The following SH3BP2 variants were observed in gnomAD, a reference collection of about 807,000 sequenced individuals.
SH3BP2 encodes the protein SH3 domain-binding protein 2.
In SH3BP2, 38 loss-of-function variants were observed where a neutral mutation model predicts 56.2. The ratio of observed to expected loss-of-function variants is 0.68; its 90% CI spans 0.52 to 0.89. The LOEUF is 0.89. Ranked by LOEUF, SH3BP2 falls within the 40% of genes least tolerant of loss-of-function variation. The probability of loss-of-function intolerance (pLI) is 0.00; values close to 1 mark genes in which losing one functional copy is unlikely to be tolerated. For missense variants in SH3BP2, 748 were observed against 762.6 expected (o/e 0.98, Z 0.23); for synonymous variants, 346 against 316.7 (o/e 1.09, Z -0.98).
In SH3BP2 at chr4:2,822,960, C is replaced by T. The variant is rs1251477477; in HGVS notation, c.162C>T (p.His54=). The T allele has an allele frequency of 6.2e-7, 1 of 1,614,112 alleles. No homozygotes were observed. Reference sequence around the variant, plus strand: ...GGCCCCTGCGCTTTGTCATCATCCACAAACGCTGCGTCTACTACTTCAAGA... The same window carrying T: ...GGCCCCTGCGCTTTGTCATCATCCATAAACGCTGCGTCTACTACTTCAAGA... ...LKWPLRFVII[H]KRCVYYFKSS... The change falls in exon 3 of 13, where the codon CAC becomes CAT. Residue 54 remains histidine, a synonymous_variant. Transcript: ENST00000503393.
intron 1 of SH3BP2, among the ~76,000 whole-genome samples, chr4:2,796,192 G>A (rs1343976360): frequency 1.3e-5 from 2 of 152,188 alleles, no homozygotes; most frequent in Non-Finnish European, 2.9e-5. Flanking sequence ...TCTGGACCAC[G>A]CTGCTGGATT....
At position 2,824,644 on chromosome 4, in the gene SH3BP2, A is replaced by G; in HGVS notation, c.271A>G (p.Asn91Asp). 6.2e-7 allele frequency: 1 copy of G among 1,613,980 alleles called. No homozygotes were observed. Among genetic ancestry groups the G allele is most frequent in the Non-Finnish European group, 8.5e-7 (1 of 1,179,972 alleles). The change falls in exon 4 of 13, where the codon AAC (asparagine) becomes GAC (aspartate). Residue 91 changes from asparagine to aspartate, a missense_variant. Around this residue, in one of 3 missense-constraint regions of SH3BP2, gnomAD observed 104 missense variants for 123.1 expected, o/e 0.84. Transcript: ENST00000503393. ...VMRAAEETTS[N>D]NVFPFKIIHI... is the part of the protein sequence containing the mutation. ...GCGGGCGGCTGAGGAGACCACGTCC[A>G]ACAACGTTTTCCCCTTCAAGATCAT... is the stretch of plus-strand genomic sequence containing the variant.
At chr4:2,823,101 C>T (rs575859336) in intron 3 of SH3BP2, 64 bp downstream of exon 3, 4 of 1,193,980 alleles carry the variant, frequency 3.4e-6, no homozygotes, top group South Asian at 1.2e-5. Flanking sequence ...CCCAGCAGAG[C>T]CCCAGCTGGG....
chr4:2,809,743 G>A (rs916584860), intron 1 of SH3BP2: 22 of 979,838 alleles, frequency 2.2e-5, no homozygotes, highest in Non-Finnish European at 2.5e-5. Context: ...AAGGCTCCCA[G>A]AACCCAGTGA....
At chr4:2,818,821 G>T in intron 1 of SH3BP2, 5 of 986,588 alleles carry the variant, frequency 5.1e-6, no homozygotes, top group Non-Finnish European at 6.0e-6. Flanking sequence ...GTCCAGCCGG[G>T]TGACCCAGGC....
rs2108742039 is a variant in SH3BP2, at chr4:2,832,361, G to C, written c.1437G>C (p.Glu479Asp). 1 of 1,614,126 alleles carries C rather than the reference G, an allele frequency of 6.2e-7. No homozygotes were observed. The highest frequency in any genetic ancestry group is 8.5e-7 in the Non-Finnish European group (1 of 1,179,982). ...TCAAGGCTACAAGCCCCCGGGGAGA[G>C]CCCCAGGATGGACTCTACTGCATCC... The part of the protein sequence containing the change: ...RLFKATSPRG[E>D]PQDGLYCIRN... Residue 479 changes from glutamate to aspartate, a missense_variant, in exon 11 of 13, where the codon GAG becomes GAC. Coordinates refer to ENST00000503393, the MANE Select transcript of SH3BP2 (RefSeq NM_001122681.2).
At chr4:2,811,999 A>T in intron 1 of SH3BP2, 1 of 342,322 alleles carries the variant, frequency 2.9e-6, no homozygotes, top group Non-Finnish European at 5.4e-6. Context: ...GGAGAAGCCG[A>T]GTATTCAGAG....
chr4:2,805,102 C>T (rs778451643), intron 1 of SH3BP2, among the ~76,000 whole-genome samples: 2 of 152,196 alleles, frequency 1.3e-5, no homozygotes, highest in Non-Finnish European at 2.9e-5. Flanking sequence ...GTGGCCCAGG[C>T]GTCCCACGCA....
intron 11 of SH3BP2, among the ~76,000 whole-genome samples, 166 bp downstream of exon 11, chr4:2,832,578 T>G (rs768191429): frequency 1.3e-5 from 2 of 148,198 alleles, no homozygotes; most frequent in African/African-American, 2.7e-5. Flanking sequence ...TATTCCCTAA[T>G]AGATCTCCAT....
rs1393991250 is a variant in SH3BP2, at chr4:2,833,956, C to A, written c.*122C>A. ...GCAAGGCTGTGCTTGCCTAGGGCCT[C>A]TGTGATGGACATCTCGTAGGACCCA... On this transcript the variant is annotated 3_prime_UTR_variant, in exon 13 of 13. Transcript: ENST00000503393. 5.2e-5 allele frequency: 62 copies of A among 1,181,740 alleles called. No individual in the cohort carries two copies. The highest frequency in any genetic ancestry group is 6.8e-5 in the Non-Finnish European group (58 of 857,516). The allele number at this position is 1,181,740 out of a possible 1,614,324, so 73.2% of individuals were successfully genotyped here.
chr4:2,818,527 C>A, intron 1 of SH3BP2: 1 of 528,874 alleles, frequency 1.9e-6, no homozygotes, highest in Non-Finnish European at 2.6e-6. Context: ...CTTGGGGGAA[C>A]AAAGGCGGGC....
rs1034015490 is a variant in SH3BP2, at chr4:2,839,126, A to C, written c.*5292A>C. The C allele has an allele frequency of 1.3e-5, 2 of 149,972 alleles. No individual in the cohort carries two copies. The highest frequency in any genetic ancestry group is 2.4e-5 in the African/African-American group (1 of 40,844). 9.3% of individuals were successfully genotyped at this position (149,972 alleles called of 1,614,324 possible). The stretch of plus-strand genomic sequence containing the variant: ...TGATTTTGTCTCCTGTGAAGTGTCT[A>C]TCATCTTTTGCCCATTTTTTAACTT... On this transcript the variant is annotated 3_prime_UTR_variant, in exon 13 of 13. Coordinates refer to ENST00000503393, the MANE Select transcript of SH3BP2 (RefSeq NM_001122681.2).
At chr4:2,823,091 C>T (rs1268889346) in intron 3 of SH3BP2, 54 bp downstream of exon 3, 2 of 1,269,322 alleles carry the variant, frequency 1.6e-6, no homozygotes, top group African/African-American at 2.9e-5. Flanking sequence ...GCGGGTCCCT[C>T]CCAGCAGAGC....
At chr4:2,818,595 G>T in intron 1 of SH3BP2, 1 of 556,958 alleles carries the variant, frequency 1.8e-6, no homozygotes, top group Non-Finnish European at 2.4e-6. Flanking sequence ...TTGTCGATCT[G>T]CGGGCAGCTC....
intron 1 of SH3BP2, 65 bp from the exon 2 acceptor site, chr4:2,820,549 C>T (rs1041493721): frequency 1.1e-5 from 17 of 1,601,978 alleles, no homozygotes; most frequent in East Asian, 2.2e-5. Flanking sequence ...TCCCCCTGAG[C>T]GCCCTGGCTC....
At chr4:2,826,519 T>C (rs1724646056) in intron 5 of SH3BP2, 1 of 269,792 alleles carries the variant, frequency 3.7e-6, no homozygotes, top group Non-Finnish European at 7.2e-6. Flanking sequence ...TCTGTGTGTG[T>C]GTGCATGTCC....
intron 8 of SH3BP2, among the ~76,000 whole-genome samples, chr4:2,830,425 G>A (rs908456516): frequency 2.0e-5 from 3 of 152,136 alleles, no homozygotes; most frequent in Non-Finnish European, 1.5e-5. Flanking sequence ...GCAGTGGTGC[G>A]ATCTCAGCTC....
At chr4:2,823,091 C>G in intron 3 of SH3BP2, 54 bp downstream of exon 3, 1 of 1,269,440 alleles carries the variant, frequency 7.9e-7, no homozygotes. Flanking sequence ...GCGGGTCCCT[C>G]CCAGCAGAGC....
intron 1 of SH3BP2, among the ~76,000 whole-genome samples, chr4:2,814,497 T>C (rs555348775): frequency 6.9e-6 from 1 of 145,064 alleles, no homozygotes. Context: ...AATGTGCATG[T>C]GCACACACAC....
Sources: allele counts gnomAD v4.1 joint callset (sites outside exome capture counted in the v4.1 genomes callset), GRCh38; gene constraint gnomAD v4.1.1; regional missense constraint gnomAD v4.1.1; transcripts MANE v1.5; gene names NCBI Gene and HGNC (gene_info 2026-07-23, HGNC 2026-07-21).